Variants in DDHD1 observed in about 807,000 individuals in gnomAD.
DDHD1 encodes the protein DDHD domain containing 1, also known as phospholipase DDHD1.
DDHD1 carries 49 observed loss-of-function variants against 96.4 expected under a neutral mutation model. That is an observed-to-expected ratio of 0.51 (90% CI 0.40 to 0.64). The LOEUF (loss-of-function observed/expected upper bound fraction) is 0.64. DDHD1 is among the 30% of genes least tolerant of loss of function. The pLI, the probability that DDHD1 is intolerant of heterozygous loss-of-function variation, is 0.00. For missense variants in DDHD1, 1,106 were observed against 1,161.2 expected (o/e 0.95, Z 0.69); for synonymous variants, 442 against 446.5 (o/e 0.99, Z 0.13).
chr14:53,072,573 C>T, intron 6 of DDHD1, 24 bp downstream of exon 6: 1 of 1,373,872 alleles, frequency 7.3e-7, no homozygotes, highest in Non-Finnish European at 9.9e-7. Context: ...AAATACCCAC[C>T]AGCAAGATAA....
intron 6 of DDHD1, among the ~76,000 whole-genome samples, chr14:53,063,838 G>T (rs763459758): frequency 6.6e-6 from 1 of 152,086 alleles, no homozygotes; most frequent in Non-Finnish European, 1.5e-5. Flanking sequence ...TTTAAGTTTA[G>T]AGGTTAATAA....
chr14:53,043,500 C>T lies in DDHD1; in HGVS notation c.*3268G>A, dbSNP rs1384287837. 2 of 152,040 alleles carry T rather than the reference C, an allele frequency of 1.3e-5. No individual in the cohort carries two copies. The highest frequency in any genetic ancestry group is 2.9e-5 in the Non-Finnish European group (2 of 68,100). The allele number at this position is 152,040 out of a possible 1,614,324, so 9.4% of individuals were successfully genotyped here. On this transcript the variant is annotated 3_prime_UTR_variant, in exon 13 of 13. Coordinates refer to ENST00000673822, the MANE Select transcript of DDHD1 (RefSeq NM_001160148.2). ...GGAGTGCAGTGGTGCAATCTTGGCT[C>T]ACTGAAGCCTTGACCTCCCGGAATC...
At position 53,085,773 on chromosome 14, in the gene DDHD1, T is replaced by C. The variant is rs561578933; in HGVS notation, c.1289+6012A>G. 4.6e-5 allele frequency among the ~76,000 whole-genome samples: 7 copies of C among 152,178 alleles called. No individual in the cohort carries two copies. The East Asian group carries it at 1.4e-3, about 29-fold the overall frequency. Reference sequence around the variant, plus strand: ...AAGGATCGCAGCTCCTCACCAGCAATGGAACAAAGCTGGACAGAGAATGAC... The same window carrying C: ...AAGGATCGCAGCTCCTCACCAGCAACGGAACAAAGCTGGACAGAGAATGAC... On this transcript the variant is annotated intron_variant, in intron 4 of 12. Coordinates refer to ENST00000673822, the MANE Select transcript of DDHD1 (RefSeq NM_001160148.2).
Position 53,152,882 on chromosome 14 carries a change from C to T in DDHD1, c.217G>A (p.Asp73Asn), listed in dbSNP as rs1020496522. ...TCCAGCGCGAGGTGGTGGTTGTGGTCGTCGGTGCCCGGCGCCAAATGCAGC... is the reference window on the plus strand; with the variant it reads ...TCCAGCGCGAGGTGGTGGTTGTGGTTGTCGGTGCCCGGCGCCAAATGCAGC... ...PGLHLAPGTD[D>N]HNHHLALDPC... Residue 73 changes from aspartate (D) to asparagine (N), a missense_variant, in exon 1 of 13, where the codon GAC (aspartate) becomes AAC (asparagine). Around this residue, in one of 2 missense-constraint regions of DDHD1, gnomAD observed 456 missense variants for 402.4 expected, o/e 1.13. Transcript: ENST00000673822. 6.2e-7 allele frequency: 1 copy of T among 1,609,212 alleles called. No homozygotes were observed. Among genetic ancestry groups the T allele is most frequent in the African/African-American group, 1.3e-5 (1 of 74,580 alleles).
At chr14:53,069,836 C>A (rs935634397) in intron 6 of DDHD1, among the ~76,000 whole-genome samples, 2 of 152,116 alleles carry the variant, frequency 1.3e-5, no homozygotes, top group Non-Finnish European at 2.9e-5. Flanking sequence ...TTGAAAATCA[C>A]TGCTAAAGAT....
At chr14:53,051,639 A>C (rs921671922) in intron 12 of DDHD1, among the ~76,000 whole-genome samples, 2 of 151,944 alleles carry the variant, frequency 1.3e-5, no homozygotes, top group African/African-American at 4.8e-5. Flanking sequence ...TAGCACATTA[A>C]GTGGCTAGTC....
chr14:53,076,186 C>T (rs10141560), intron 4 of DDHD1, among the ~76,000 whole-genome samples: 5,107 of 152,100 alleles, frequency 0.034, 291 homozygotes, highest in African/African-American at 0.11. Flanking sequence ...GAAAGTATTC[C>T]GGAAGGAACT....
In DDHD1 at chr14:53,073,912, A is replaced by T; in HGVS notation, c.1290-65T>A. On this transcript the variant is annotated intron_variant, in intron 4 of 12. Transcript: ENST00000673822. ...TGAGAATAACTTCACATATAAATTT[A>T]TATGAGATAAAATGTGTTTAATCAT... The T allele has an allele frequency of 4.3e-6, 6 of 1,409,848 alleles. No homozygotes were observed. In the South Asian group the frequency reaches 7.3e-5, roughly 17 times the overall value. The allele number at this position is 1,409,848 out of a possible 1,614,324, so 87.3% of individuals were successfully genotyped here.
intron 9 of DDHD1, among the ~76,000 whole-genome samples, chr14:53,058,251 C>T (rs2139848426): frequency 1.3e-5 from 2 of 152,290 alleles, no homozygotes; most frequent in Middle Eastern, 6.8e-3. Context: ...ATTCTCCTGC[C>T]TTACAGGCAC....
chr14:53,069,021 T>C (rs111661960), intron 6 of DDHD1, among the ~76,000 whole-genome samples: 3 of 152,348 alleles, frequency 2.0e-5, no homozygotes, highest in African/African-American at 4.8e-5. Flanking sequence ...ATAGTCAATA[T>C]GAACTTATAA....
intron 3 of DDHD1, chr14:53,093,094 T>G (rs1886570547): frequency 3.4e-6 from 1 of 295,866 alleles, no homozygotes; most frequent in African/African-American, 2.2e-5. Context: ...TAAAAGATAT[T>G]TATTAATTTT....
In DDHD1 at chr14:53,145,502, C is replaced by CAAA. The variant is rs34747977; in HGVS notation, c.838+6756_838+6758dup. On this transcript the variant is annotated intron_variant, in intron 1 of 12. Transcript: ENST00000673822. Reference sequence around the variant, plus strand: ...TAAGCGACAGAACAAAACCTTGTCTCAAAAAAAAAAAAAAAAAAAAAAAAG... The same window carrying CAAA: ...TAAGCGACAGAACAAAACCTTGTCTCAAAAAAAAAAAAAAAAAAAAAAAAAAAG... 4.8e-3 allele frequency among the ~76,000 whole-genome samples: 293 copies of CAAA among 61,432 alleles called. 6 individuals are homozygous for CAAA. The highest frequency in any genetic ancestry group is 0.015 in the African/African-American group (237 of 15,500). The allele number at this position is 61,432 out of a possible 152,430, so 40.3% of individuals were successfully genotyped here.
chr14:53,071,267 A>G (rs1173381935), intron 6 of DDHD1, among the ~76,000 whole-genome samples: 4 of 152,120 alleles, frequency 2.6e-5, no homozygotes, highest in African/African-American at 9.7e-5. Context: ...TGGTTTTTAG[A>G]ACAAAAATTG....
intron 11 of DDHD1, chr14:53,054,208 C>G: frequency 2.3e-6 from 1 of 441,774 alleles, no homozygotes; most frequent in Non-Finnish European, 4.0e-6. Flanking sequence ...TGCCACAAGG[C>G]CCTAATTACT....
At chr14:53,084,517 C>T (rs1885757381) in intron 4 of DDHD1, among the ~76,000 whole-genome samples, 1 of 152,168 alleles carries the variant, frequency 6.6e-6, no homozygotes, top group South Asian at 2.1e-4. Flanking sequence ...GGAAGTAATA[C>T]ATAATTCATC....
At chr14:53,145,302 C>A (rs10139698) in intron 1 of DDHD1, among the ~76,000 whole-genome samples, 117,654 of 151,778 alleles carry the variant, frequency 0.78, 46,894 homozygotes, top group East Asian at 0.96. Flanking sequence ...AGTTTGAGAC[C>A]ACCCTGGGCA....
At position 53,073,699 on chromosome 14, in the gene DDHD1, G is replaced by C. The variant is rs185344788; in HGVS notation, c.1396+42C>G. ...ACTTTCTGCATTTATTTTGGTAAAAGTTTGCCATTGGCTAAATCATTCAAT... is the reference window on the plus strand; with the variant it reads ...ACTTTCTGCATTTATTTTGGTAAAACTTTGCCATTGGCTAAATCATTCAAT... On this transcript the variant is annotated intron_variant, in intron 5 of 12. Coordinates refer to ENST00000673822, the MANE Select transcript of DDHD1 (RefSeq NM_001160148.2). The C allele has an allele frequency of 1.4e-4, 210 of 1,520,746 alleles. 1 individual carries two copies. The Admixed American group carries it at 4.3e-3, about 31-fold the overall frequency. The allele number at this position is 1,520,746 out of a possible 1,614,324, so 94.2% of individuals were successfully genotyped here.
intron 4 of DDHD1, among the ~76,000 whole-genome samples, chr14:53,086,572 A>AG (rs1464266731): frequency 2.0e-3 from 2 of 1,024 alleles, no homozygotes; most frequent in Admixed American, 0.029. Flanking sequence ...AGTGAAGGAG[A>AG]AAAAAATCTT....
chr14:53,087,832 A>G (rs551398343), intron 4 of DDHD1, among the ~76,000 whole-genome samples: 13 of 152,360 alleles, frequency 8.5e-5, no homozygotes, highest in African/African-American at 3.1e-4. Context: ...TGAAGGAAAT[A>G]GCGACACAAA....
Sources: allele counts gnomAD v4.1 joint callset (sites outside exome capture counted in the v4.1 genomes callset), GRCh38; gene constraint gnomAD v4.1.1; regional missense constraint gnomAD v4.1.1; transcripts MANE v1.5; gene names NCBI Gene and HGNC (gene_info 2026-07-23, HGNC 2026-07-21).